Variants in SPAG16 observed in about 807,000 individuals in gnomAD.
SPAG16 encodes sperm associated antigen 16.
A neutral mutation model predicts 80.4 loss-of-function variants in SPAG16; 86 were observed. That is an observed-to-expected ratio of 1.07 (90% CI 0.90 to 1.28). The LOEUF (loss-of-function observed/expected upper bound fraction) is 1.28, where lower values mean the gene tolerates loss of function less well. SPAG16 is among the 50% of genes most tolerant of loss of function. SPAG16 has a pLI of 0.00. For missense variants in SPAG16, 870 were observed against 765.3 expected, an observed-to-expected ratio of 1.14 and a Z score of -1.61; for synonymous variants, 294 against 265.9, an observed-to-expected ratio of 1.11 and a Z score of -1.03.
intron 13 of SPAG16, among the ~76,000 whole-genome samples, chr2:214,021,869 T>C: frequency 6.6e-6 from 1 of 152,128 alleles, no homozygotes; most frequent in Non-Finnish European, 1.5e-5. Flanking sequence ...CCTAACCGTG[T>C]GAAGTTAACA....
intron 10 of SPAG16, among the ~76,000 whole-genome samples, chr2:213,693,293 T>C (rs1001494324): frequency 6.6e-6 from 1 of 152,112 alleles, no homozygotes; most frequent in African/African-American, 2.4e-5. Flanking sequence ...TCAGTAGGGA[T>C]GAATAGCACA....
chr2:214,167,994 C>CTT (rs202075837), intron 15 of SPAG16, among the ~76,000 whole-genome samples: 3,979 of 132,996 alleles, frequency 0.03, 189 homozygotes, highest in East Asian at 0.18. Context: ...TTCTTTTTCT[C>CTT]TTTTTTTTTT....
chr2:214,048,800 C>G lies in SPAG16; in HGVS notation c.1527+34723C>G, dbSNP rs374869340. ...ACATTGCATGCCTGTATTAAAATAT[C>G]TCATGTAACCCATAAATATATACAC... is the stretch of plus-strand genomic sequence containing the variant. On this transcript the variant is annotated intron_variant, in intron 13 of 15. Transcript: ENST00000331683. Among the ~76,000 whole-genome samples the G allele has an allele frequency of 6.9e-3, 1,050 of 152,214 alleles. 19 individuals are homozygous for G. The highest frequency in any genetic ancestry group is 0.024 in the African/African-American group (986 of 41,540).
chr2:213,880,967 G>T (rs781771353), intron 11 of SPAG16, among the ~76,000 whole-genome samples: 1 of 151,954 alleles, frequency 6.6e-6, no homozygotes, highest in Non-Finnish European at 1.5e-5. Flanking sequence ...TTTTGGTTCC[G>T]CATGAATTTT....
chr2:213,478,975 T>C (rs1362938810), intron 9 of SPAG16, among the ~76,000 whole-genome samples: 1 of 152,138 alleles, frequency 6.6e-6, no homozygotes, highest in African/African-American at 2.4e-5. Flanking sequence ...CCTCCCAATG[T>C]TGACATTTCT....
At chr2:213,342,989 G>T (rs2064779918) in intron 6 of SPAG16, among the ~76,000 whole-genome samples, 1 of 152,024 alleles carries the variant, frequency 6.6e-6, no homozygotes, top group Non-Finnish European at 1.5e-5. Flanking sequence ...TGCAGAGGTA[G>T]CTGGAACTTG....
chr2:214,083,563 C>A (rs1329591888), intron 13 of SPAG16, among the ~76,000 whole-genome samples: 1 of 150,142 alleles, frequency 6.7e-6, no homozygotes, highest in Non-Finnish European at 1.5e-5. Context: ...TGTTTCCCAA[C>A]TTATGAGAGG....
chr2:214,221,501 G>A lies in SPAG16; in HGVS notation c.1720+72235G>A, dbSNP rs140641739. Among the ~76,000 whole-genome samples, 27 of 152,082 alleles carry A rather than the reference G, an allele frequency of 1.8e-4. No homozygotes were observed. In the South Asian group the frequency reaches 1.9e-3, roughly 11 times the overall value. ...TTTATCTTAAATAAACCTACAAAGC[G>A]GTTAAAGTAAGATGTCCCACTGAAT... is the stretch of plus-strand genomic sequence containing the variant. On this transcript the variant is annotated intron_variant, in intron 15 of 15. Transcript: ENST00000331683.
At chr2:213,758,740 A>G (rs2068484351) in intron 10 of SPAG16, among the ~76,000 whole-genome samples, 1 of 152,156 alleles carries the variant, frequency 6.6e-6, no homozygotes, top group African/African-American at 2.4e-5. Flanking sequence ...AGAGAAGAGA[A>G]AACTTGAAGA....
In SPAG16 at chr2:213,980,725, T is replaced by TAGAGAGAGAG. The variant is rs1553686631; in HGVS notation, c.1401-33201_1401-33192dup. On this transcript the variant is annotated intron_variant, in intron 12 of 15. Coordinates refer to ENST00000331683, the MANE Select transcript of SPAG16 (RefSeq NM_024532.5). ...GTGTGTGTGTGTGTATATATATATA[T>TAGAGAGAGAG]AGAGAGAGAGAGAGAGAGAGAGAGA... Among the ~76,000 whole-genome samples the TAGAGAGAGAG allele has an allele frequency of 2.0e-3, 209 of 103,980 alleles. 6 individuals carry two copies. The highest frequency in any genetic ancestry group is 0.01 in the East Asian group (35 of 3,488). The allele number at this position is 103,980 out of a possible 152,430, so 68.2% of individuals were successfully genotyped here.
intron 9 of SPAG16, among the ~76,000 whole-genome samples, chr2:213,411,396 C>T (rs745821774): frequency 2.0e-5 from 3 of 152,182 alleles, no homozygotes; most frequent in Non-Finnish European, 4.4e-5. Context: ...CTACAACCAA[C>T]AGCGATTTAT....
In SPAG16 at chr2:213,864,092, A is replaced by G. The variant is rs573816058; in HGVS notation, c.1214+1464A>G. Reference sequence around the variant, plus strand: ...GAAAAAATGATCATTAGAAACAACAACAAAAAAAGCTCTATTTTGGTTTAT... The same window carrying G: ...GAAAAAATGATCATTAGAAACAACAGCAAAAAAAGCTCTATTTTGGTTTAT... On this transcript the variant is annotated intron_variant, in intron 11 of 15. Coordinates refer to ENST00000331683, the MANE Select transcript of SPAG16 (RefSeq NM_024532.5). Among the ~76,000 whole-genome samples, 4 of 152,312 alleles carry G rather than the reference A, an allele frequency of 2.6e-5. No individual in the cohort carries two copies. In the South Asian group the frequency reaches 6.2e-4, roughly 24 times the overall value.
chr2:213,625,070 G>T (rs1411367937), intron 10 of SPAG16, among the ~76,000 whole-genome samples: 2 of 152,290 alleles, frequency 1.3e-5, no homozygotes, highest in South Asian at 2.1e-4. Context: ...TGGAATTTCA[G>T]GCTTGAGCCA....
At chr2:214,175,311 AT>A (rs1385772662) in intron 15 of SPAG16, among the ~76,000 whole-genome samples, 1 of 146,378 alleles carries the variant, frequency 6.8e-6, no homozygotes, top group Non-Finnish European at 1.5e-5. Flanking sequence ...AAATATATAT[AT>A]AAAGAAATAT....
intron 10 of SPAG16, among the ~76,000 whole-genome samples, chr2:213,789,181 CATTT>C (rs1380860153): frequency 1.3e-5 from 2 of 151,990 alleles, no homozygotes; most frequent in East Asian, 1.9e-4. Flanking sequence ...TAAGTGTACT[CATTT>C]ATTTAATTAC....
At chr2:213,690,971 A>G (rs1454265564) in intron 10 of SPAG16, among the ~76,000 whole-genome samples, 2 of 152,094 alleles carry the variant, frequency 1.3e-5, no homozygotes, top group Non-Finnish European at 1.5e-5. Flanking sequence ...ATATAGATAT[A>G]TAGATATATA....
intron 10 of SPAG16, among the ~76,000 whole-genome samples, chr2:213,856,987 T>C (rs2105927730): frequency 6.6e-6 from 1 of 152,298 alleles, no homozygotes; most frequent in African/African-American, 2.4e-5. Context: ...CCCAGCACTT[T>C]GGGAGGCCAA....
chr2:214,030,407 A>G (rs1419171050), intron 13 of SPAG16, among the ~76,000 whole-genome samples: 1 of 152,194 alleles, frequency 6.6e-6, no homozygotes, highest in East Asian at 1.9e-4. Context: ...GAGATGTAGA[A>G]ACAACTCAAA....
chr2:213,545,282 G>T lies in SPAG16; in HGVS notation c.1070+55192G>T, dbSNP rs187444784. On this transcript the variant is annotated intron_variant, in intron 10 of 15. Transcript: ENST00000331683. ...ATATATCTTTGGTGAATCTGTTAAG[G>T]TCTTTGGCCCATTTTAAAATCAAGT... Among the ~76,000 whole-genome samples, 548 of 152,132 alleles carry T rather than the reference G, an allele frequency of 3.6e-3. 8 individuals are homozygous for T. Among genetic ancestry groups the T allele is most frequent in the African/African-American group, 0.012 (519 of 41,534 alleles).
Sources: allele counts gnomAD v4.1 joint callset (sites outside exome capture counted in the v4.1 genomes callset), GRCh38; gene constraint gnomAD v4.1.1; transcripts MANE v1.5; gene names NCBI Gene and HGNC (gene_info 2026-07-23, HGNC 2026-07-21).